Variants in PLEKHD1 observed in about 807,000 individuals in gnomAD.
PLEKHD1 encodes pleckstrin homology and coiled-coil domain containing D1.
A neutral mutation model predicts 69.2 loss-of-function variants in PLEKHD1; 51 were observed. The ratio of observed to expected loss-of-function variants is 0.74; its 90% confidence interval spans 0.59 to 0.93. The LOEUF is 0.93. Among genes scored for constraint, PLEKHD1 ranks in the 40% least tolerant of loss-of-function variants. PLEKHD1 has a pLI of 0.00. For missense variants in PLEKHD1, 584 were observed against 641.0 expected, an observed-to-expected ratio of 0.91 and a Z score of 0.96; for synonymous variants, 236 against 244.7, an observed-to-expected ratio of 0.96 and a Z score of 0.33.
chr14:69,528,349 G>A lies in PLEKHD1; in HGVS notation c.1451G>A (p.Arg484Gln), dbSNP rs1424455748. 1.0e-5 allele frequency: 16 copies of A among 1,551,556 alleles called. No individual in the cohort carries two copies. Among genetic ancestry groups the A allele is most frequent in the South Asian group, 3.6e-5 (3 of 84,068 alleles). ...AKRLSRDQRF[R>Q]ESIYHIMATQ... is the part of the protein sequence containing the mutation. ...CGGCTCAGCAGGGACCAGCGCTTCCGGGAATCCATCTACCACATCATGGCC... is the reference window on the plus strand; with the variant it reads ...CGGCTCAGCAGGGACCAGCGCTTCCAGGAATCCATCTACCACATCATGGCC... Residue 484 changes from arginine (R) to glutamine (Q), a missense_variant, in exon 13 of 13, where the codon CGG becomes CAG. Coordinates refer to ENST00000322564, the MANE Select transcript of PLEKHD1 (RefSeq NM_001161498.2).
rs573693356 is a variant in PLEKHD1, at chr14:69,510,700, A to G, written c.555+7821A>G. Among the ~76,000 whole-genome samples the G allele has an allele frequency of 4.6e-5, 7 of 152,350 alleles. No individual in the cohort carries two copies. In the South Asian group the frequency reaches 1.5e-3, roughly 32 times the overall value. On this transcript the variant is annotated intron_variant, in intron 6 of 12. Coordinates refer to ENST00000322564, the MANE Select transcript of PLEKHD1 (RefSeq NM_001161498.2). Reference sequence around the variant, plus strand: ...ATAGACAATCATGTCATCTGTGAACAGAGACAGTATTATTTCTTTCTTTGT... The same window carrying G: ...ATAGACAATCATGTCATCTGTGAACGGAGACAGTATTATTTCTTTCTTTGT...
chr14:69,501,581 T>C lies in PLEKHD1; in HGVS notation c.411-153T>C, dbSNP rs1198250226. ...CGTGCTGGTGACATGCCCAGAGCCA[T>C]GGGTGCCAGAGTGAATGCAAGTTGA... is the stretch of plus-strand genomic sequence containing the variant. On this transcript the variant is annotated intron_variant, in intron 4 of 12. Coordinates refer to ENST00000322564, the MANE Select transcript of PLEKHD1 (RefSeq NM_001161498.2). 8.5e-6 allele frequency: 5 copies of C among 591,228 alleles called. No individual in the cohort carries two copies. In the East Asian group the frequency reaches 9.3e-5, roughly 11 times the overall value. 36.6% of individuals were successfully genotyped at this position (591,228 alleles called of 1,614,324 possible).
intron 1 of PLEKHD1, among the ~76,000 whole-genome samples, chr14:69,487,583 A>G (rs2139491086): frequency 6.6e-6 from 1 of 152,362 alleles, no homozygotes. Flanking sequence ...GGTCTGTCTT[A>G]GGACCTGTGC....
chr14:69,519,992 G>A (rs1352533299), intron 6 of PLEKHD1, among the ~76,000 whole-genome samples: 2 of 151,376 alleles, frequency 1.3e-5, no homozygotes, highest in Non-Finnish European at 2.9e-5. Flanking sequence ...TAGAACCCCC[G>A]CTGAACTCTA....
At chr14:69,502,436 C>A in intron 5 of PLEKHD1, 1 of 257,748 alleles carries the variant, frequency 3.9e-6, no homozygotes. Flanking sequence ...CCTGCTTAGA[C>A]ACTTGGGGCC....
intron 1 of PLEKHD1, among the ~76,000 whole-genome samples, chr14:69,493,831 C>T (rs1445201900): frequency 6.6e-6 from 1 of 152,234 alleles, no homozygotes; most frequent in Non-Finnish European, 1.5e-5. Context: ...ACCCAATGCT[C>T]CGGGCTTCAC....
At chr14:69,486,127 A>G (rs770800258) in intron 1 of PLEKHD1, among the ~76,000 whole-genome samples, 8 of 152,178 alleles carry the variant, frequency 5.3e-5, no homozygotes, top group Non-Finnish European at 8.8e-5. Flanking sequence ...TGACCCTTCC[A>G]GGAAACCAGG....
the PLEKHD1 span, among the ~76,000 whole-genome samples, chr14:69,469,448 C>T: frequency 1.3e-5 from 2 of 151,756 alleles, no homozygotes; most frequent in African/African-American, 2.4e-5. Flanking sequence ...CTCGCTCTAT[C>T]GCCCAGGCTG....
At chr14:69,502,936 C>A (rs1265771353) in intron 6 of PLEKHD1, 57 bp downstream of exon 6, 2 of 1,540,196 alleles carry the variant, frequency 1.3e-6, no homozygotes, top group Non-Finnish European at 1.8e-6. Flanking sequence ...ACGTTTCTAG[C>A]ACTAGGGAAT....
rs1883660256 is a variant in PLEKHD1, at chr14:69,526,806, C to G, written c.1033C>G (p.Gln345Glu). The G allele has an allele frequency of 1.9e-6, 3 of 1,548,792 alleles. No homozygotes were observed. Among genetic ancestry groups the G allele is most frequent in the Non-Finnish European group, 1.7e-6 (2 of 1,145,630 alleles). ...GCTGCAGGAGCTGACGGCAGAGAAG[C>G]AGCAGGCTGAGCGGGAGCTCAAGGT... ...NSLQELTAEK[Q>E]QAERELKAEV... is the part of the protein sequence containing the mutation. The change falls in exon 10 of 13, where the codon CAG (glutamine) becomes GAG (glutamate). Residue 345 changes from glutamine to glutamate, a missense_variant. Gln to Glu is a conservative substitution (Grantham distance 29). Transcript: ENST00000322564.
At chr14:69,487,304 C>G (rs981028800) in intron 1 of PLEKHD1, among the ~76,000 whole-genome samples, 1 of 152,194 alleles carries the variant, frequency 6.6e-6, no homozygotes, top group African/African-American at 2.4e-5. Flanking sequence ...GCTCAGCCCC[C>G]TCTCACTTCC....
the PLEKHD1 span, among the ~76,000 whole-genome samples, chr14:69,478,667 G>A: frequency 6.6e-6 from 1 of 152,178 alleles, no homozygotes; most frequent in Non-Finnish European, 1.5e-5. Context: ...TATAACAAGA[G>A]TCACCTTTGC....
Position 69,492,005 on chromosome 14 carries a change from C to G in PLEKHD1, c.149+6891C>G, listed in dbSNP as rs563263704. Among the ~76,000 whole-genome samples the G allele has an allele frequency of 2.6e-5, 4 of 152,226 alleles. No individual in the cohort carries two copies. In the East Asian group the frequency reaches 7.7e-4, roughly 29 times the overall value. The stretch of plus-strand genomic sequence containing the variant: ...CCCTATGGCTAAAACTACAATATGA[C>G]CTTATAAGTGCCCTGTTTGAAACTT... On this transcript the variant is annotated intron_variant, in intron 1 of 12. Coordinates refer to ENST00000322564, the MANE Select transcript of PLEKHD1 (RefSeq NM_001161498.2).
At chr14:69,500,311 CAG>C in intron 2 of PLEKHD1, 103 bp downstream of exon 2, 2 of 1,028,066 alleles carry the variant, frequency 1.9e-6, no homozygotes, top group Non-Finnish European at 2.9e-6. Flanking sequence ...TCTGGCCTAG[CAG>C]AGAGTCTGGA....
At chr14:69,523,174 C>T (rs1292851339) in intron 7 of PLEKHD1, among the ~76,000 whole-genome samples, 1 of 152,206 alleles carries the variant, frequency 6.6e-6, no homozygotes, top group African/African-American at 2.4e-5. Context: ...CTCAACGATC[C>T]TCCCACCTTG....
chr14:69,475,476 C>T, the PLEKHD1 span, among the ~76,000 whole-genome samples: 46 of 152,214 alleles, frequency 3.0e-4, 1 homozygote, highest in East Asian at 8.1e-3. Context: ...CTCCCAAAAA[C>T]GCTTCTGCAT....
upstream of PLEKHD1, among the ~76,000 whole-genome samples, chr14:69,482,729 T>G (rs1487370639): frequency 1.5e-4 from 23 of 152,102 alleles, no homozygotes; most frequent in Admixed American, 1.5e-3. Flanking sequence ...GGCCCTTGAC[T>G]GGTGAACTCC....
chr14:69,499,003 G>A (rs896255193), intron 1 of PLEKHD1, among the ~76,000 whole-genome samples: 2 of 152,198 alleles, frequency 1.3e-5, no homozygotes, highest in Non-Finnish European at 2.9e-5. Flanking sequence ...GACCAGTGGC[G>A]TGCTGGCAAA....
In PLEKHD1 at chr14:69,502,833, T is replaced by G; in HGVS notation, c.509T>G (p.Leu170Arg). ...AKEKQEYLDKLMEETEELCLQ... is the reference protein window; with the variant it reads ...AKEKQEYLDKRMEETEELCLQ... Reference sequence around the variant, plus strand: ...TGTGTGCTTGTTTTGGCAGACAAACTGATGGAAGAGACCGAAGAACTCTGC... The same window carrying G: ...TGTGTGCTTGTTTTGGCAGACAAACGGATGGAAGAGACCGAAGAACTCTGC... The change falls in exon 6 of 13, where the codon CTG becomes CGG. Residue 170 changes from leucine (L) to arginine (R), a missense_variant. By Grantham distance (102) the Leu-to-Arg change is moderately radical (BLOSUM62 -2). Coordinates refer to ENST00000322564, the MANE Select transcript of PLEKHD1 (RefSeq NM_001161498.2). The G allele has an allele frequency of 6.4e-7, 1 of 1,551,624 alleles. No individual in the cohort carries two copies. Among genetic ancestry groups the G allele is most frequent in the African/African-American group, 1.4e-5 (1 of 73,146 alleles).
Sources: gnomAD v4.1 joint callset for allele counts (sites outside exome capture counted in the v4.1 genomes callset) on GRCh38, gnomAD v4.1.1 for gene constraint, MANE v1.5 for transcripts, NCBI Gene and HGNC (gene_info 2026-07-23, HGNC 2026-07-21) for gene names.